Variants in CHD9 observed in about 807,000 individuals in gnomAD.
CHD9 encodes ATP-dependent chromatin remodeler CHD9.
CHD9 carries 77 observed loss-of-function variants against 316.1 expected under a neutral mutation model. The ratio of observed to expected loss-of-function variants is 0.24; its 90% confidence interval spans 0.20 to 0.29. The LOEUF (loss-of-function observed/expected upper bound fraction) is 0.29. Among genes scored for constraint, CHD9 ranks in the 10% least tolerant of loss-of-function variants. The probability of loss-of-function intolerance (pLI) is 1.00; values close to 1 mark genes in which losing one functional copy is unlikely to be tolerated. For missense variants in CHD9, 2,763 were observed against 3,438.1 expected (o/e 0.80, Z 4.91); for synonymous variants, 1,129 against 1,158.3 (o/e 0.97, Z 0.51).
intron 12 of CHD9, among the ~76,000 whole-genome samples, chr16:53,240,488 A>G (rs2048998904): frequency 6.6e-6 from 1 of 152,160 alleles, no homozygotes; most frequent in South Asian, 2.1e-4. Flanking sequence ...CTAGATATAT[A>G]TTACCTAAAG....
intron 3 of CHD9, among the ~76,000 whole-genome samples, chr16:53,215,533 A>ATG (rs1441542123): frequency 6.6e-6 from 1 of 151,926 alleles, no homozygotes; most frequent in Non-Finnish European, 1.5e-5. Flanking sequence ...GAGCGTGTGT[A>ATG]TGTGTGTGTG....
At chr16:53,058,916 TG>T (rs1475730091) in intron 1 of CHD9, among the ~76,000 whole-genome samples, 9 of 152,156 alleles carry the variant, frequency 5.9e-5, no homozygotes, top group African/African-American at 2.2e-4. Context: ...CCTCCTGTAG[TG>T]GTATGATCAT....
At chr16:53,287,897 C>T in intron 26 of CHD9, 60 bp from the exon 27 acceptor site, 2 of 1,322,458 alleles carry the variant, frequency 1.5e-6, no homozygotes, top group Non-Finnish European at 2.2e-6. Context: ...AGACTTTGTC[C>T]TATCAAGTGA....
In CHD9 at chr16:53,229,072, A is replaced by G; in HGVS notation, c.2258A>G (p.Gln753Arg). 6.3e-7 allele frequency: 1 copy of G among 1,587,918 alleles called. No individual in the cohort carries two copies. Among genetic ancestry groups the G allele is most frequent in the Non-Finnish European group, 8.6e-7 (1 of 1,166,012 alleles). ...AAAATCAAACGATTCAAATTGAGAC[A>G]AGCACAAAGAGCACATTTTTTTGCA... ...QQKIKRFKLR[Q>R]AQRAHFFADM... is the part of the protein sequence containing the mutation. The change falls in exon 8 of 39, where the codon CAA (glutamine) becomes CGA (arginine). Residue 753 changes from glutamine to arginine, a missense_variant. By Grantham distance (43) the Gln-to-Arg change is conservative. This residue lies in a region of CHD9 where 859 missense variants were observed against 890.4 expected (regional missense o/e 0.96). Coordinates refer to ENST00000447540, the MANE Select transcript of CHD9 (RefSeq NM_001308319.2).
chr16:53,228,572 G>T (rs987283428), intron 7 of CHD9, among the ~76,000 whole-genome samples: 26 of 124,388 alleles, frequency 2.1e-4, no homozygotes, highest in Admixed American at 4.1e-4. Flanking sequence ...ACGGAGTCTC[G>T]CTCTGTCGCC....
chr16:53,176,158 T>A (rs1261034572), intron 2 of CHD9, among the ~76,000 whole-genome samples: 1 of 152,202 alleles, frequency 6.6e-6, no homozygotes, highest in African/African-American at 2.4e-5. Flanking sequence ...GTCAATAGGG[T>A]TGCAGTCCTT....
intron 1 of CHD9, among the ~76,000 whole-genome samples, chr16:53,133,508 TAG>T (rs1170264843): frequency 1.3e-5 from 2 of 152,186 alleles, no homozygotes; most frequent in African/African-American, 4.8e-5. Context: ...GAGTGCTGGC[TAG>T]AGAGAATCGG....
chr16:53,111,924 C>G (rs890600983), intron 1 of CHD9, among the ~76,000 whole-genome samples: 1 of 152,144 alleles, frequency 6.6e-6, no homozygotes, highest in Non-Finnish European at 1.5e-5. Context: ...TGTATCATCT[C>G]TAAGATTCAG....
At chr16:53,132,353 A>G (rs536335436) in intron 1 of CHD9, among the ~76,000 whole-genome samples, 5 of 152,154 alleles carry the variant, frequency 3.3e-5, no homozygotes, top group Non-Finnish European at 5.9e-5. Flanking sequence ...TCAATTTTGT[A>G]TGCTACTTTT....
intron 17 of CHD9, 118 bp downstream of exon 17, chr16:53,250,184 G>C: frequency 1.5e-6 from 1 of 660,332 alleles, no homozygotes; most frequent in Non-Finnish European, 2.5e-6. Context: ...GTTTCTCTAT[G>C]AAATATCTGT....
chr16:53,156,067 C>T lies in CHD9; in HGVS notation c.-23C>T, dbSNP rs554705145. On this transcript the variant is annotated 5_prime_UTR_variant, in exon 2 of 39. Coordinates refer to ENST00000447540, the MANE Select transcript of CHD9 (RefSeq NM_001308319.2). ...TATACTCCATTTGGAGTGAACAGCC[C>T]GGATTGTTACAGAATTTTCAAGATG... 6.9e-6 allele frequency: 11 copies of T among 1,597,700 alleles called. No homozygotes were observed. The highest frequency in any genetic ancestry group is 1.7e-5 in the Admixed American group (1 of 58,796).
chr16:53,260,143 GTTGTT>G (rs1389602620), intron 19 of CHD9, among the ~76,000 whole-genome samples: 7 of 152,146 alleles, frequency 4.6e-5, no homozygotes, highest in African/African-American at 1.7e-4. Flanking sequence ...TGATAGCTGT[GTTGTT>G]TTGTTTTATC....
chr16:53,312,922 T>C (rs1180023408), intron 34 of CHD9, among the ~76,000 whole-genome samples: 3 of 152,184 alleles, frequency 2.0e-5, no homozygotes, highest in Admixed American at 2.0e-4. Flanking sequence ...ACATGTAAAC[T>C]ATTTTAAACA....
At chr16:53,155,836 C>T (rs1480550750) in intron 1 of CHD9, 90 bp from the exon 2 acceptor site, 2 of 420,422 alleles carry the variant, frequency 4.8e-6, no homozygotes, top group Admixed American at 4.2e-5. Context: ...TGACCTCTTT[C>T]ACTTAGCATA....
chr16:53,215,366 G>A (rs1023966782), intron 3 of CHD9, among the ~76,000 whole-genome samples: 3 of 152,148 alleles, frequency 2.0e-5, no homozygotes, highest in Non-Finnish European at 4.4e-5. Flanking sequence ...CTTTAAACAG[G>A]AAGTAATAGT....
intron 1 of CHD9, among the ~76,000 whole-genome samples, chr16:53,063,266 A>T (rs143014049): frequency 8.3e-4 from 126 of 152,142 alleles, no homozygotes; most frequent in Non-Finnish European, 1.3e-3. Flanking sequence ...AAAGTTATAT[A>T]GCTAGGAAGT....
chr16:53,139,899 A>G (rs967808337), intron 1 of CHD9, among the ~76,000 whole-genome samples: 1 of 151,800 alleles, frequency 6.6e-6, no homozygotes, highest in African/African-American at 2.4e-5. Context: ...GGGGTTCCAC[A>G]CCAGCCTGGA....
At chr16:53,264,237 A>G (rs1350966888) in intron 20 of CHD9, among the ~76,000 whole-genome samples, 1 of 152,162 alleles carries the variant, frequency 6.6e-6, no homozygotes, top group Non-Finnish European at 1.5e-5. Flanking sequence ...ATAACTAGAA[A>G]AAATAATTTT....
At chr16:53,072,342 G>A (rs1162143252) in intron 1 of CHD9, among the ~76,000 whole-genome samples, 2 of 149,286 alleles carry the variant, frequency 1.3e-5, no homozygotes, top group African/African-American at 4.9e-5. Flanking sequence ...TTATAATTGG[G>A]ATCCCTGCAA....
Sources: allele counts gnomAD v4.1 joint callset (sites outside exome capture counted in the v4.1 genomes callset), GRCh38; gene constraint gnomAD v4.1.1; regional missense constraint gnomAD v4.1.1; transcripts MANE v1.5; gene names NCBI Gene and HGNC (gene_info 2026-07-23, HGNC 2026-07-21).